GLI3: variants seen among roughly 807,000 people sequenced by gnomAD.
GLI3 encodes the protein transcription activator GLI3.
Under a neutral mutation model 100.8 loss-of-function variants are expected in GLI3, and 20 were observed. The observed-to-expected ratio is 0.20, with a 90% CI of 0.14 to 0.29. The LOEUF is 0.29. Ranked by LOEUF, GLI3 falls within the 10% of genes least tolerant of loss-of-function variation. The pLI is 1.00. For synonymous variants in GLI3, 938 were observed against 860.5 expected (o/e 1.09, Z -1.58); for missense variants, 2,040 against 2,128.5 (o/e 0.96, Z 0.82).
At chr7:42,059,418 T>C (rs1337129354) in intron 4 of GLI3, among the ~76,000 whole-genome samples, 3 of 149,896 alleles carry the variant, frequency 2.0e-5, no homozygotes, top group Admixed American at 2.0e-4. Context: ...AATGTATGTA[T>C]TATATAAATA....
chr7:42,141,760 G>C (rs1216616598), intron 3 of GLI3, among the ~76,000 whole-genome samples: 17 of 152,150 alleles, frequency 1.1e-4, no homozygotes, highest in Admixed American at 1.1e-3. Flanking sequence ...GGAAGGATTA[G>C]GTGACTAAGT....
chr7:42,095,577 G>A (rs1236633983), intron 3 of GLI3, among the ~76,000 whole-genome samples: 1 of 152,176 alleles, frequency 6.6e-6, no homozygotes, highest in Admixed American at 6.5e-5. Context: ...AAGGACACAG[G>A]AGATGGGTGA....
intron 3 of GLI3, among the ~76,000 whole-genome samples, chr7:42,084,217 TA>T (rs1174559084): frequency 6.6e-6 from 1 of 152,232 alleles, no homozygotes; most frequent in Admixed American, 6.5e-5. Context: ...TCCTTTTTTT[TA>T]AACAGTCAGA....
intron 1 of GLI3, among the ~76,000 whole-genome samples, chr7:42,261,993 TTTCTTTC>T (rs1175595684): frequency 6.9e-6 from 1 of 145,174 alleles, no homozygotes; most frequent in East Asian, 2.1e-4. Context: ...TCTTTCTTTC[TTTCTTTC>T]TTTTCTTTCT....
chr7:42,042,520 A>G (rs1784167100), intron 6 of GLI3, among the ~76,000 whole-genome samples: 2 of 152,196 alleles, frequency 1.3e-5, no homozygotes, highest in Non-Finnish European at 2.9e-5. Flanking sequence ...GCCCTTCTCA[A>G]TGGTACTCAG....
chr7:42,203,653 C>A (rs930372541), intron 2 of GLI3, among the ~76,000 whole-genome samples: 60 of 152,102 alleles, frequency 3.9e-4, no homozygotes, highest in African/African-American at 1.4e-3. Flanking sequence ...CTGTATCTTG[C>A]CCATTGTGAA....
At chr7:42,262,223 TC>T (rs1562803638) in intron 1 of GLI3, among the ~76,000 whole-genome samples, 2,576 of 135,184 alleles carry the variant, frequency 0.019, 138 homozygotes, top group African/African-American at 0.072. Flanking sequence ...CTTCCTTCCT[TC>T]TTTCCTTCCT....
intron 2 of GLI3, among the ~76,000 whole-genome samples, chr7:42,150,755 C>T (rs182936737): frequency 7.0e-4 from 107 of 152,298 alleles, no homozygotes; most frequent in Non-Finnish European, 8.7e-4. Flanking sequence ...CTTAAAACGG[C>T]ATCCCTATAA....
intron 2 of GLI3, among the ~76,000 whole-genome samples, chr7:42,179,179 C>A (rs189675175): frequency 1.3e-5 from 2 of 152,242 alleles, no homozygotes; most frequent in South Asian, 4.2e-4. Flanking sequence ...AGTTTCCCTG[C>A]ACAAACTCTC....
Position 42,223,265 on chromosome 7 carries a change from AT to A in GLI3, c.-13del, listed in dbSNP as rs759969176. 1 of 1,612,182 alleles carries A rather than the reference AT, an allele frequency of 6.2e-7. No homozygotes were observed. Among genetic ancestry groups the A allele is most frequent in the South Asian group, 1.1e-5 (1 of 91,024 alleles). On this transcript the variant is annotated 5_prime_UTR_variant, in exon 2 of 15. In the 5' UTR this introduces an upstream ATG that the reference lacks. Transcript: ENST00000395925. The stretch of plus-strand genomic sequence containing the variant: ...GACTGGGCCTCCATGATGTCTTCTC[AT>A]TACTTCAGCTCTCTTCGACCAAAAA...
chr7:41,969,264 C>A (rs1051282245), intron 13 of GLI3, among the ~76,000 whole-genome samples: 2 of 152,170 alleles, frequency 1.3e-5, no homozygotes, highest in African/African-American at 4.8e-5. Context: ...GCGTCTGCAG[C>A]GCCTTCACCA....
intron 5 of GLI3, among the ~76,000 whole-genome samples, chr7:42,046,881 C>A (rs1054705202): frequency 5.3e-5 from 8 of 152,284 alleles, no homozygotes; most frequent in Non-Finnish European, 1.2e-4. Context: ...CTTGGCCAGG[C>A]ACAGTGGCTC....
intron 3 of GLI3, chr7:42,113,611 A>T: frequency 1.0e-6 from 1 of 993,250 alleles, no homozygotes; most frequent in Non-Finnish European, 1.6e-6. Context: ...AAGGTGCTGG[A>T]GATGCCAAGT....
In GLI3 at chr7:41,968,728, GAAAGAAAGAAAGA is replaced by G. The variant is rs1562661844; in HGVS notation, c.2104-818_2104-806del. On this transcript the variant is annotated intron_variant, in intron 13 of 14. Coordinates refer to ENST00000395925, the MANE Select transcript of GLI3 (RefSeq NM_000168.6). ...AAGAAAGAAAGAAGAAAGAAAGAAA[GAAAGAAAGAAAGA>G]AAGAAAGAAAGAAAGAAAGAAGGAA... Among the ~76,000 whole-genome samples, 10 of 105,818 alleles carry G rather than the reference GAAAGAAAGAAAGA, an allele frequency of 9.5e-5. No homozygotes were observed. In the South Asian group the frequency reaches 1.5e-3, roughly 16 times the overall value. The allele number at this position is 105,818 out of a possible 152,430, so 69.4% of individuals were successfully genotyped here.
chr7:42,144,337 G>A (rs1562755780), intron 3 of GLI3, among the ~76,000 whole-genome samples: 3 of 152,028 alleles, frequency 2.0e-5, no homozygotes, highest in East Asian at 1.9e-4. Flanking sequence ...ATTATAAAGC[G>A]CCAGTGATCC....
chr7:41,984,540 C>G (rs1014229807), intron 10 of GLI3, among the ~76,000 whole-genome samples: 4 of 152,278 alleles, frequency 2.6e-5, no homozygotes, highest in Admixed American at 2.0e-4. Flanking sequence ...CCATTCAAAC[C>G]CTGCCCGAGG....
At chr7:42,143,973 A>C (rs1424830816) in intron 3 of GLI3, among the ~76,000 whole-genome samples, 2 of 152,208 alleles carry the variant, frequency 1.3e-5, no homozygotes, top group African/African-American at 2.4e-5. Flanking sequence ...TGAATCCGAG[A>C]AACTTTGCAC....
intron 2 of GLI3, among the ~76,000 whole-genome samples, chr7:42,206,633 G>A (rs987557367): frequency 6.6e-6 from 1 of 152,134 alleles, no homozygotes; most frequent in African/African-American, 2.4e-5. Context: ...AAATCGAATA[G>A]AAGCCAAGAG....
chr7:42,085,594 C>A (rs369963503), intron 3 of GLI3, among the ~76,000 whole-genome samples: 2 of 152,130 alleles, frequency 1.3e-5, no homozygotes, highest in East Asian at 3.9e-4. Context: ...AAAACTATGG[C>A]CTTATGATGC....
Sources: gnomAD v4.1 joint callset for allele counts (sites outside exome capture counted in the v4.1 genomes callset) on GRCh38, gnomAD v4.1.1 for gene constraint, MANE v1.5 for transcripts, NCBI Gene and HGNC (gene_info 2026-07-23, HGNC 2026-07-21) for gene names.